Variants in CYP19A1 observed in about 807,000 individuals in gnomAD.
CYP19A1 encodes cytochrome P450 family 19 subfamily A member 1.
A neutral mutation model predicts 44.4 loss-of-function variants in CYP19A1; 32 were observed. The observed-to-expected ratio is 0.72, with a 90% CI of 0.54 to 0.97. CYP19A1 has a LOEUF of 0.97. CYP19A1 is among the 50% of genes least tolerant of loss of function. CYP19A1 has a pLI of 0.00. For missense variants in CYP19A1, 598 were observed against 637.8 expected (o/e 0.94, Z 0.67); for synonymous variants, 212 against 215.6 (o/e 0.98, Z 0.14).
Position 51,254,138 on chromosome 15 carries a change from C to T in CYP19A1, c.-38-11188G>A, listed in dbSNP as rs74013178. Among the ~76,000 whole-genome samples the T allele has an allele frequency of 4.4e-3, 665 of 152,232 alleles. 7 individuals carry two copies. Among genetic ancestry groups the T allele is most frequent in the African/African-American group, 0.015 (631 of 41,548 alleles). ...GTTCATTACCTCCCATTCAGTGATA[C>T]GAGGAAAGTAAAGGAGGTTTTGAGA... On this transcript the variant is annotated intron_variant, in intron 1 of 9. Coordinates refer to ENST00000396402, the MANE Select transcript of CYP19A1 (RefSeq NM_000103.4).
intron 1 of CYP19A1, among the ~76,000 whole-genome samples, chr15:51,317,968 C>T (rs771045027): frequency 1.3e-5 from 2 of 152,150 alleles, no homozygotes; most frequent in Non-Finnish European, 2.9e-5. Flanking sequence ...CCAGGGAACA[C>T]GACTGTATCT....
intron 3 of CYP19A1, among the ~76,000 whole-genome samples, chr15:51,232,012 G>T (rs2033074983): frequency 6.6e-6 from 1 of 152,056 alleles, no homozygotes; most frequent in Non-Finnish European, 1.5e-5. Context: ...ACAATCATTT[G>T]ATTTTCCTCC....
chr15:51,323,259 C>T (rs974406345), intron 1 of CYP19A1, among the ~76,000 whole-genome samples: 1 of 152,174 alleles, frequency 6.6e-6, no homozygotes, highest in African/African-American at 2.4e-5. Flanking sequence ...TCCTTGCCTG[C>T]TGAGAAGCTC....
At chr15:51,328,149 C>A (rs1035945743) in intron 1 of CYP19A1, among the ~76,000 whole-genome samples, 3 of 152,178 alleles carry the variant, frequency 2.0e-5, no homozygotes, top group Non-Finnish European at 4.4e-5. Context: ...AAATGGTGAA[C>A]AATCTTCATA....
At chr15:51,233,099 G>A (rs2033151484) in intron 3 of CYP19A1, among the ~76,000 whole-genome samples, 1 of 152,116 alleles carries the variant, frequency 6.6e-6, no homozygotes, top group African/African-American at 2.4e-5. Context: ...ATTTCCTTTA[G>A]GTCTTTATTT....
At chr15:51,336,098 C>A (rs1007834452) in intron 1 of CYP19A1, among the ~76,000 whole-genome samples, 1 of 152,182 alleles carries the variant, frequency 6.6e-6, no homozygotes, top group East Asian at 1.9e-4. Context: ...ACCACACATC[C>A]AACTCTAGGA....
intron 3 of CYP19A1, among the ~76,000 whole-genome samples, chr15:51,229,452 A>C (rs1287392925): frequency 6.6e-6 from 1 of 151,680 alleles, no homozygotes; most frequent in Admixed American, 6.6e-5. Context: ...TTCAGGAAAA[A>C]CCACCTATTT....
intron 1 of CYP19A1, among the ~76,000 whole-genome samples, chr15:51,283,869 C>T (rs965792130): frequency 2.6e-5 from 4 of 152,228 alleles, no homozygotes; most frequent in African/African-American, 9.6e-5. Flanking sequence ...TGTCCCCTGC[C>T]ACAGCAGGCA....
chr15:51,229,353 G>T (rs951499221), intron 3 of CYP19A1, among the ~76,000 whole-genome samples: 5 of 147,984 alleles, frequency 3.4e-5, no homozygotes, highest in Non-Finnish European at 7.4e-5. Flanking sequence ...TCAAGCCATT[G>T]CACTCCAACC....
chr15:51,218,788 T>G (rs1446883085), intron 5 of CYP19A1, 133 bp from the exon 6 acceptor site: 1 of 1,490,444 alleles, frequency 6.7e-7, no homozygotes, highest in African/African-American at 1.4e-5. Flanking sequence ...CTCAGCAAGA[T>G]TCCATCTTCA....
At chr15:51,334,154 C>T (rs1029217320) in intron 1 of CYP19A1, among the ~76,000 whole-genome samples, 5 of 152,194 alleles carry the variant, frequency 3.3e-5, no homozygotes, top group African/African-American at 1.2e-4. Context: ...CACTCCATCA[C>T]TTTGAATCAT....
chr15:51,237,143 A>C (rs1046103164), intron 2 of CYP19A1, 134 bp from the exon 3 acceptor site: 3 of 1,017,176 alleles, frequency 2.9e-6, no homozygotes, highest in Admixed American at 4.7e-5. Flanking sequence ...ATCACGAATA[A>C]AGTGATTTGA....
chr15:51,298,634 T>TAA (rs71297689), intron 1 of CYP19A1, among the ~76,000 whole-genome samples: 13,514 of 152,292 alleles, frequency 0.089, 678 homozygotes, highest in Non-Finnish European at 0.1. Flanking sequence ...GGATTCCTTT[T>TAA]GTGAACAGCA....
chr15:51,255,724 G>A (rs963839978), intron 1 of CYP19A1: 3 of 152,242 alleles, frequency 2.0e-5, no homozygotes, highest in East Asian at 1.9e-4. Flanking sequence ...AAATCAGCAG[G>A]TGGGGCAGGC....
At chr15:51,241,227 T>A (rs886848520) in intron 2 of CYP19A1, among the ~76,000 whole-genome samples, 1 of 152,148 alleles carries the variant, frequency 6.6e-6, no homozygotes, top group South Asian at 2.1e-4. Context: ...ACCTCCTTGG[T>A]CAAGGGTCCA....
rs759823444 is a variant in CYP19A1 at position 51,236,920 on chromosome 15, G to C, written c.235C>G (p.Arg79Gly). The stretch of plus-strand genomic sequence containing the variant: ...ACTCGCATGAATTCTCCATATACCC[G>C]GTTGTAGTAGTTGCAGGCACTGCCG... ...GIGSACNYYN[R>G]VYGEFMRVWI... Residue 79 changes from arginine to glycine, a missense_variant, in exon 3 of 10, where the codon CGG (arginine) becomes GGG (glycine). Physicochemically the swap from Arg to Gly is moderately radical, Grantham distance 125. Coordinates refer to ENST00000396402, the MANE Select transcript of CYP19A1 (RefSeq NM_000103.4). 2 of 1,614,144 alleles carry C rather than the reference G, an allele frequency of 1.2e-6. No individual in the cohort carries two copies. The highest frequency in any genetic ancestry group is 2.2e-5 in the South Asian group (2 of 91,080).
At chr15:51,236,795 T>C (rs2033418963) in intron 3 of CYP19A1, 64 bp downstream of exon 3, 1 of 1,592,752 alleles carries the variant, frequency 6.3e-7, no homozygotes, top group African/African-American at 1.3e-5. Context: ...AATAAAGTTG[T>C]CTTAAGTGGA....
chr15:51,328,966 G>T (rs1364788369), intron 1 of CYP19A1, among the ~76,000 whole-genome samples: 1 of 152,112 alleles, frequency 6.6e-6, no homozygotes, highest in Non-Finnish European at 1.5e-5. Flanking sequence ...CTCTTCCTGG[G>T]TTGTGAGCTT....
At chr15:51,314,177 T>C (rs1024526452) in intron 1 of CYP19A1, 2 of 152,148 alleles carry the variant, frequency 1.3e-5, no homozygotes, top group Admixed American at 1.3e-4. Context: ...GTAGTCTCCC[T>C]GATGGGTTTG....
Sources: allele counts gnomAD v4.1 joint callset (sites outside exome capture counted in the v4.1 genomes callset), GRCh38; gene constraint gnomAD v4.1.1; transcripts MANE v1.5; gene names NCBI Gene and HGNC (gene_info 2026-07-23, HGNC 2026-07-21).